Variants in CSMD1 observed in about 807,000 individuals in gnomAD.
CSMD1 encodes CUB and Sushi multiple domains 1.
Under a neutral mutation model 417.5 loss-of-function variants are expected in CSMD1, and 213 were observed. That is an observed-to-expected ratio of 0.51 (90% CI 0.46 to 0.57). The LOEUF (loss-of-function observed/expected upper bound fraction) is 0.57. Ranked by LOEUF, CSMD1 falls within the 20% of genes least tolerant of loss-of-function variation. CSMD1 has a pLI of 0.00. For synonymous variants in CSMD1, 2,862 were observed against 1,736.8 expected (o/e 1.65, Z -16.11); for missense variants, 6,923 against 4,529.7 (o/e 1.53, Z -15.17).
rs573415052 is a variant in CSMD1 at position 4,916,050 on chromosome 8, G to A, written c.85+78282C>T. Among the ~76,000 whole-genome samples, 14 of 152,298 alleles carry A rather than the reference G, an allele frequency of 9.2e-5. No homozygotes were observed. The East Asian group carries it at 2.1e-3, about 23-fold the overall frequency. ...TCATAGAATACACTAGATTTGCCCT[G>A]GAAAGGCAACGCCAGCACTTCAGAT... On this transcript the variant is annotated intron_variant, in intron 1 of 69. Coordinates refer to ENST00000635120, the MANE Select transcript of CSMD1 (RefSeq NM_033225.6).
At chr8:4,668,056 T>G (rs1805051591) in intron 1 of CSMD1, among the ~76,000 whole-genome samples, 1 of 152,214 alleles carries the variant, frequency 6.6e-6, no homozygotes, top group African/African-American at 2.4e-5. Flanking sequence ...TTTTGTAACA[T>G]TAACACGTAT....
intron 5 of CSMD1, among the ~76,000 whole-genome samples, chr8:3,777,296 A>C (rs1223462780): frequency 6.6e-6 from 1 of 152,042 alleles, no homozygotes; most frequent in East Asian, 1.9e-4. Flanking sequence ...ACAGTCAGTA[A>C]ATATTTGTTG....
chr8:4,672,259 G>C (rs1805377600), intron 1 of CSMD1, among the ~76,000 whole-genome samples: 3 of 152,102 alleles, frequency 2.0e-5, no homozygotes. Flanking sequence ...CACATATCAG[G>C]AAGCTTTTGA....
At chr8:3,279,815 A>G (rs1802593221) in intron 26 of CSMD1, among the ~76,000 whole-genome samples, 1 of 152,066 alleles carries the variant, frequency 6.6e-6, no homozygotes, top group Non-Finnish European at 1.5e-5. Context: ...AAACCAACAG[A>G]TCTCATGAGA....
chr8:3,731,693 G>A (rs1796270575), intron 6 of CSMD1, among the ~76,000 whole-genome samples: 1 of 152,190 alleles, frequency 6.6e-6, no homozygotes, highest in South Asian at 2.1e-4. Context: ...AGGAAACAAA[G>A]TATAAATGGG....
chr8:4,232,570 A>C (rs1801805130), intron 3 of CSMD1, among the ~76,000 whole-genome samples: 1 of 152,190 alleles, frequency 6.6e-6, no homozygotes, highest in South Asian at 2.1e-4. Context: ...CAAAAATGAG[A>C]AATGTGAATG....
intron 13 of CSMD1, 146 bp downstream of exon 13, chr8:3,409,277 T>C: frequency 1.6e-6 from 1 of 611,658 alleles, no homozygotes. Flanking sequence ...TTCGAGAACG[T>C]CCTTGCACGT....
intron 3 of CSMD1, among the ~76,000 whole-genome samples, chr8:4,255,136 G>A (rs1803364414): frequency 1.3e-5 from 2 of 152,102 alleles, no homozygotes; most frequent in Admixed American, 6.5e-5. Context: ...TCAGTTTTTA[G>A]CATTAAAAGA....
At chr8:4,738,760 T>C (rs565761179) in intron 1 of CSMD1, among the ~76,000 whole-genome samples, 2 of 152,344 alleles carry the variant, frequency 1.3e-5, no homozygotes, top group Admixed American at 1.3e-4. Context: ...CATTTCTGAA[T>C]ACAGGATTAA....
intron 1 of CSMD1, among the ~76,000 whole-genome samples, chr8:4,917,191 A>C (rs1379393602): frequency 3.9e-5 from 6 of 152,186 alleles, no homozygotes; most frequent in Non-Finnish European, 7.3e-5. Context: ...GAGAAGTGGG[A>C]GGTGCTACAC....
intron 2 of CSMD1, among the ~76,000 whole-genome samples, chr8:4,506,867 G>A (rs1023866184): frequency 3.9e-5 from 6 of 152,140 alleles, no homozygotes; most frequent in Non-Finnish European, 7.4e-5. Context: ...CGATTGATAA[G>A]TTTATAACAT....
At chr8:3,438,480 A>G (rs940678360) in intron 12 of CSMD1, among the ~76,000 whole-genome samples, 5 of 152,146 alleles carry the variant, frequency 3.3e-5, no homozygotes, top group African/African-American at 7.2e-5. Context: ...CTCTCTTCCT[A>G]TAAGAATGTT....
chr8:3,278,967 T>A (rs906630239), intron 26 of CSMD1: 1 of 152,216 alleles, frequency 6.6e-6, no homozygotes, highest in Non-Finnish European at 1.5e-5. Flanking sequence ...AGGAACCTTC[T>A]TTTCTAAAAC....
intron 3 of CSMD1, among the ~76,000 whole-genome samples, chr8:4,128,935 G>T (rs1258466358): frequency 6.6e-6 from 1 of 151,860 alleles, no homozygotes; most frequent in Non-Finnish European, 1.5e-5. Flanking sequence ...TTTTAGCCGG[G>T]CATGGTGGCA....
Position 3,049,597 on chromosome 8 carries a change from G to C in CSMD1, c.7660+2865C>G, listed in dbSNP as rs535243966. The stretch of plus-strand genomic sequence containing the variant: ...GGTTGGATGCAGGAAGGCGTGAATG[G>C]GTGGAGCACAGGAGACTTTAAGGGC... On this transcript the variant is annotated intron_variant, in intron 50 of 69. Coordinates refer to ENST00000635120, the MANE Select transcript of CSMD1 (RefSeq NM_033225.6). Among the ~76,000 whole-genome samples the C allele has an allele frequency of 2.7e-5, 4 of 149,398 alleles. No individual in the cohort carries two copies. In the South Asian group the frequency reaches 8.6e-4, roughly 32 times the overall value.
chr8:3,111,543 G>A (rs777831437), intron 42 of CSMD1, among the ~76,000 whole-genome samples: 4 of 152,050 alleles, frequency 2.6e-5, no homozygotes, highest in Non-Finnish European at 5.9e-5. Context: ...TCTAAAATGG[G>A]ACCATAGGCT....
intron 5 of CSMD1, among the ~76,000 whole-genome samples, chr8:3,791,499 T>C (rs1041718731): frequency 1.3e-5 from 2 of 152,164 alleles, no homozygotes; most frequent in African/African-American, 4.8e-5. Flanking sequence ...TGAAAAGTCA[T>C]CTCTACAACA....
chr8:4,694,763 C>T (rs566271971), intron 1 of CSMD1, among the ~76,000 whole-genome samples: 7 of 152,270 alleles, frequency 4.6e-5, no homozygotes, highest in Non-Finnish European at 7.4e-5. Context: ...ATCAGGACTT[C>T]CTGAGGCTGT....
chr8:4,675,810 G>A (rs1328602652), intron 1 of CSMD1, among the ~76,000 whole-genome samples: 7 of 152,048 alleles, frequency 4.6e-5, no homozygotes, highest in African/African-American at 1.2e-4. Flanking sequence ...TTCTTTGAAC[G>A]AAAGCCAAAG....
Sources: gnomAD v4.1 joint callset for allele counts (sites outside exome capture counted in the v4.1 genomes callset) on GRCh38, gnomAD v4.1.1 for gene constraint, MANE v1.5 for transcripts, NCBI Gene and HGNC (gene_info 2026-07-23, HGNC 2026-07-21) for gene names.